THOC2: variants seen among roughly 807,000 people sequenced by gnomAD.
THOC2 encodes the protein THO complex 2.
A neutral mutation model predicts 128.4 loss-of-function variants in THOC2; 10 were observed. That is an observed-to-expected ratio of 0.08 (90% CI 0.05 to 0.13). THOC2 has a LOEUF of 0.13. THOC2 is among the 10% of genes least tolerant of loss of function. The probability of loss-of-function intolerance (pLI) is 1.00; values close to 1 mark genes in which losing one functional copy is unlikely to be tolerated. For synonymous variants in THOC2, 393 were observed against 396.9 expected (o/e 0.99, Z 0.12); for missense variants, 535 against 1,155.7 (o/e 0.46, Z 7.79).
chrX:123,635,911 ATTAAG>A (rs1268439812), intron 19 of THOC2, among the ~76,000 whole-genome samples, 163 bp downstream of exon 19: 2 of 112,324 alleles, frequency 1.8e-5, no homozygotes, highest in Admixed American at 9.5e-5. Context: ...CTATTTATGT[ATTAAG>A]TTATCATTTA....
intron 8 of THOC2, among the ~76,000 whole-genome samples, chrX:123,683,090 T>A (rs953304787): frequency 9.0e-6 from 1 of 111,606 alleles, no homozygotes; most frequent in Admixed American, 9.6e-5. Flanking sequence ...GTGTTTTAGA[T>A]TTTGGAATTT....
intron 8 of THOC2, among the ~76,000 whole-genome samples, chrX:123,673,986 G>A (rs1183302986): frequency 8.9e-6 from 1 of 112,117 alleles, no homozygotes; most frequent in Non-Finnish European, 1.9e-5. Flanking sequence ...GATTTCAACT[G>A]AGACTTGTTT....
chrX:123,622,651 G>T, intron 30 of THOC2, 107 bp downstream of exon 30: 1 of 528,726 alleles, frequency 1.9e-6, no homozygotes, highest in South Asian at 4.0e-5. Context: ...CCAGAAGTTC[G>T]AGACCAGCCT....
At chrX:123,654,768 A>T in intron 12 of THOC2, among the ~76,000 whole-genome samples, 1 of 105,831 alleles carries the variant, frequency 9.4e-6, no homozygotes, top group East Asian at 2.9e-4. Context: ...CAAAAAAAAA[A>T]AAAAAAAAAA....
At chrX:123,612,751 T>C (rs1328948104) in intron 36 of THOC2, among the ~76,000 whole-genome samples, 3 of 111,988 alleles carry the variant, frequency 2.7e-5, no homozygotes, top group Non-Finnish European at 5.7e-5. Context: ...AAAATGTTCA[T>C]TATATAATTT....
intron 36 of THOC2, among the ~76,000 whole-genome samples, chrX:123,612,904 A>T (rs1298844725): frequency 2.7e-5 from 3 of 111,866 alleles, no homozygotes; most frequent in Non-Finnish European, 5.7e-5. Flanking sequence ...AATATCAACC[A>T]TTAATATGTA....
At chrX:123,700,274 GC>G (rs1373258167) in intron 4 of THOC2, among the ~76,000 whole-genome samples, 1 of 108,923 alleles carries the variant, frequency 9.2e-6, no homozygotes, top group East Asian at 2.9e-4. Flanking sequence ...GCCAAGGCAG[GC>G]GGATCACCTG....
chrX:123,696,657 T>G lies in THOC2; in HGVS notation c.467+64A>C, dbSNP rs1045182216. On this transcript the variant is annotated intron_variant, in intron 6 of 38. Coordinates refer to ENST00000245838, the MANE Select transcript of THOC2 (RefSeq NM_001081550.2). ...AAGTCCCCTTAGAAGCTACTAGGAT[T>G]CAAAATATGAACGAAAAAACATACT... 30 of 1,097,282 alleles carry G rather than the reference T, an allele frequency of 2.7e-5. No homozygotes were observed. The African/African-American group carries it at 4.3e-4, about 16-fold the overall frequency. 90.4% of individuals were successfully genotyped at this position (1,097,282 alleles called of 1,213,427 possible).
intron 3 of THOC2, among the ~76,000 whole-genome samples, 174 bp from the exon 4 acceptor site, chrX:123,703,679 A>G (rs1171732956): frequency 1.0e-5 from 1 of 99,788 alleles, no homozygotes; most frequent in Admixed American, 1.1e-4. Context: ...CTTGAGCCCA[A>G]AAGTTTGGGA....
intron 38 of THOC2, among the ~76,000 whole-genome samples, chrX:123,607,769 G>A: frequency 9.0e-6 from 1 of 110,779 alleles, no homozygotes; most frequent in East Asian, 2.8e-4. Context: ...TATGACATAT[G>A]TAAGAGCTGT....
At chrX:123,718,187 G>A (rs1478764121) in intron 1 of THOC2, among the ~76,000 whole-genome samples, 4 of 111,494 alleles carry the variant, frequency 3.6e-5, no homozygotes, top group Non-Finnish European at 7.5e-5. Flanking sequence ...ACACATAATG[G>A]GAAAAAAGAC....
In THOC2 at chrX:123,710,633, G is replaced by T. The variant is rs1204181711; in HGVS notation, c.130+2217C>A. On this transcript the variant is annotated intron_variant, in intron 2 of 38. Coordinates refer to ENST00000245838, the MANE Select transcript of THOC2 (RefSeq NM_001081550.2). The stretch of plus-strand genomic sequence containing the variant: ...ATTTGGGGGGTGGCAGGCTAGGAAT[G>T]TTAACTCTTAAAACAGGTCTTACCC... Among the ~76,000 whole-genome samples, 5 of 110,907 alleles carry T rather than the reference G, an allele frequency of 4.5e-5. No homozygotes were observed. The Admixed American group carries it at 4.8e-4, about 11-fold the overall frequency.
intron 32 of THOC2, chrX:123,619,820 T>A (rs2047020257): frequency 8.1e-6 from 1 of 123,902 alleles, no homozygotes; most frequent in African/African-American, 3.2e-5. Context: ...TGCCTTATAT[T>A]TTTCATAGTT....
intron 27 of THOC2, 40 bp downstream of exon 27, chrX:123,624,020 G>C (rs776313231): frequency 2.5e-6 from 3 of 1,181,603 alleles, no homozygotes; most frequent in African/African-American, 3.6e-5. Context: ...CAAGTATACA[G>C]AGAAAAATTT....
chrX:123,652,714 T>A (rs78461534), intron 12 of THOC2, among the ~76,000 whole-genome samples: 1,134 of 111,220 alleles, frequency 0.01, 11 homozygotes, highest in African/African-American at 0.035. Context: ...ATACAGCTTA[T>A]AAGGGATGTG....
At chrX:123,696,190 T>A (rs1388997524) in intron 6 of THOC2, 36 bp from the exon 7 acceptor site, 2 of 990,187 alleles carry the variant, frequency 2.0e-6, no homozygotes, top group East Asian at 3.1e-5. Context: ...GGGATAAAAT[T>A]AATTTTAATT....
In THOC2 at chrX:123,697,758, T is replaced by A; in HGVS notation, c.275-7A>T. The A allele has an allele frequency of 3.2e-6, 3 of 939,202 alleles. No homozygotes were observed. Among genetic ancestry groups the A allele is most frequent in the Non-Finnish European group, 4.4e-6 (3 of 681,007 alleles). 77.4% of individuals were successfully genotyped at this position (939,202 alleles called of 1,213,427 possible). A position where few individuals can be genotyped will look rare whatever the true frequency, so the allele number is the denominator to read the frequency against. On this transcript the variant is annotated splice_polypyrimidine_tract_variant and splice_region_variant and intron_variant, in intron 4 of 38. Transcript: ENST00000245838. ...AAACAATTTGTCTCAATGTCTATAA[T>A]GATGAAGAAGAAAAAAGTTTGATTG...
At chrX:123,608,905 C>T (rs1322319759) in intron 38 of THOC2, among the ~76,000 whole-genome samples, 1 of 112,279 alleles carries the variant, frequency 8.9e-6, no homozygotes, top group African/African-American at 3.2e-5. Flanking sequence ...TATAAGACCA[C>T]GAGCCAAATA....
chrX:123,723,755 T>C (rs2051813976), intron 1 of THOC2, among the ~76,000 whole-genome samples: 1 of 111,537 alleles, frequency 9.0e-6, no homozygotes, highest in Admixed American at 9.6e-5. Flanking sequence ...ATTAAACATA[T>C]TGGGTAATGA....
Sources: gnomAD v4.1 joint callset for allele counts (sites outside exome capture counted in the v4.1 genomes callset) on GRCh38, gnomAD v4.1.1 for gene constraint, MANE v1.5 for transcripts, NCBI Gene and HGNC (gene_info 2026-07-23, HGNC 2026-07-21) for gene names.